The following COBL variants were observed in gnomAD, a reference collection of about 807,000 sequenced individuals.
The protein encoded by COBL is protein cordon-bleu.
COBL carries 51 observed loss-of-function variants against 98.8 expected under a neutral mutation model. That is an observed-to-expected ratio of 0.52 (90% CI 0.41 to 0.65). COBL has a LOEUF of 0.65. Ranked by LOEUF, COBL falls within the 30% of genes least tolerant of loss-of-function variation. COBL has a pLI of 0.00. For missense variants in COBL, 1,617 were observed against 1,617.5 expected (o/e 1.00, Z 0.01); for synonymous variants, 634 against 651.7 (o/e 0.97, Z 0.41).
At chr7:51,106,419 T>C (rs1796276074) in intron 6 of COBL, among the ~76,000 whole-genome samples, 1 of 152,144 alleles carries the variant, frequency 6.6e-6, no homozygotes, top group African/African-American at 2.4e-5. Context: ...GCTGGTGTCA[T>C]CCTGGCAGAT....
intron 6 of COBL, among the ~76,000 whole-genome samples, chr7:51,094,870 G>GTAC (rs527398557): frequency 3.3e-5 from 5 of 152,210 alleles, no homozygotes; most frequent in Non-Finnish European, 7.3e-5. Context: ...AAAATATGAT[G>GTAC]TGTATAGGGT....
In COBL at chr7:51,025,175, G is replaced by A. The variant is rs76685455; in HGVS notation, c.3702C>T (p.Thr1234=). The A allele has an allele frequency of 7.8e-4, 1,257 of 1,611,708 alleles. 7 individuals are homozygous for A. In the African/African-American group the frequency reaches 0.014, roughly 19 times the overall value. The change falls in exon 12 of 13, where the codon ACC becomes ACT. Residue 1234 remains threonine (T), a synonymous_variant. Transcript: ENST00000265136. Reference sequence around the variant, plus strand: ...CCATCAAGGCTTGCCTTGCGTCTGCGGTGTTGCTGAGGGTGCCCGTGCTGA... The same window carrying A: ...CCATCAAGGCTTGCCTTGCGTCTGCAGTGTTGCTGAGGGTGCCCGTGCTGA... The part of the protein sequence containing the change: ...SRFSTGTLSN[T]ADARQALMDA...
At chr7:51,112,019 TTGCATGGCACGGGGACCAC>T (rs1178950324) in intron 6 of COBL, among the ~76,000 whole-genome samples, 1 of 152,224 alleles carries the variant, frequency 6.6e-6, no homozygotes, top group East Asian at 1.9e-4. Flanking sequence ...TCCAGTTCAC[TTGCATGGCACGGGGACCAC>T]TAAGAACAAG....
chr7:51,207,980 G>T (rs1791938957), intron 2 of COBL, among the ~76,000 whole-genome samples: 1 of 145,490 alleles, frequency 6.9e-6, no homozygotes, highest in Admixed American at 6.8e-5. Context: ...CATCTAGGAA[G>T]TGAGGAGAGC....
intron 12 of COBL, among the ~76,000 whole-genome samples, chr7:51,024,636 A>G (rs1041675473): frequency 8.0e-5 from 12 of 150,580 alleles, no homozygotes; most frequent in African/African-American, 3.0e-4. Flanking sequence ...ATTAGGCTGG[A>G]ATGCAAGCAT....
intron 7 of COBL, among the ~76,000 whole-genome samples, chr7:51,049,335 T>A (rs1219371717): frequency 1.3e-5 from 2 of 152,170 alleles, no homozygotes; most frequent in Non-Finnish European, 2.9e-5. Flanking sequence ...GGTATGTCTG[T>A]CTTTTATGAA....
chr7:51,060,040 A>G (rs1051137378), intron 7 of COBL, among the ~76,000 whole-genome samples: 4 of 152,056 alleles, frequency 2.6e-5, no homozygotes, highest in Non-Finnish European at 5.9e-5. Context: ...GCTCTGCCGG[A>G]TGCCTCCATG....
At chr7:51,094,382 C>T (rs1795091206) in intron 6 of COBL, among the ~76,000 whole-genome samples, 2 of 151,798 alleles carry the variant, frequency 1.3e-5, no homozygotes, top group Non-Finnish European at 2.9e-5. Context: ...TTAATAATCT[C>T]ACCACAAAAA....
At chr7:51,303,881 T>G (rs1802226041) in intron 1 of COBL, among the ~76,000 whole-genome samples, 1 of 152,216 alleles carries the variant, frequency 6.6e-6, no homozygotes, top group Non-Finnish European at 1.5e-5. Context: ...CTCTGAGTGG[T>G]CTGCAGAGCC....
intron 1 of COBL, among the ~76,000 whole-genome samples, chr7:51,225,305 T>C (rs1170469556): frequency 6.6e-6 from 1 of 152,178 alleles, no homozygotes; most frequent in African/African-American, 2.4e-5. Flanking sequence ...GCAGATGTCA[T>C]GTGGTTGAGT....
chr7:51,058,968 T>A (rs906674006), intron 7 of COBL, among the ~76,000 whole-genome samples: 1 of 152,232 alleles, frequency 6.6e-6, no homozygotes, highest in Non-Finnish European at 1.5e-5. Context: ...TGCGCTCATG[T>A]CCTCCCATGT....
At chr7:51,037,403 A>C (rs915779514) in intron 8 of COBL, among the ~76,000 whole-genome samples, 2 of 152,260 alleles carry the variant, frequency 1.3e-5, no homozygotes, top group Admixed American at 6.5e-5. Context: ...AGCCATGGGC[A>C]GTTCCTTCCC....
chr7:51,160,971 G>C (rs909952510), intron 5 of COBL, among the ~76,000 whole-genome samples: 1 of 151,534 alleles, frequency 6.6e-6, no homozygotes, highest in Admixed American at 6.6e-5. Flanking sequence ...TGGCGCAATC[G>C]AGGCTCACTG....
chr7:51,299,661 G>A (rs1801736370), intron 1 of COBL, among the ~76,000 whole-genome samples: 1 of 152,198 alleles, frequency 6.6e-6, no homozygotes, highest in Non-Finnish European at 1.5e-5. Flanking sequence ...AGAGGCCGCT[G>A]CCAGGCTTCA....
At chr7:51,045,194 T>C (rs1414115619) in intron 7 of COBL, among the ~76,000 whole-genome samples, 1 of 152,172 alleles carries the variant, frequency 6.6e-6, no homozygotes, top group Admixed American at 6.5e-5. Flanking sequence ...ACCAGCACGT[T>C]TTTTCTGTCT....
intron 1 of COBL, among the ~76,000 whole-genome samples, chr7:51,233,741 T>C (rs577523082): frequency 1.3e-5 from 2 of 152,154 alleles, no homozygotes; most frequent in Non-Finnish European, 2.9e-5. Context: ...CGGACTCACA[T>C]GACACCACAG....
chr7:51,170,789 T>A (rs989641477), intron 5 of COBL, among the ~76,000 whole-genome samples: 7 of 151,954 alleles, frequency 4.6e-5, no homozygotes, highest in African/African-American at 1.7e-4. Flanking sequence ...GAGAGATTGG[T>A]CAACAGGTAC....
At chr7:51,068,110 G>A (rs886070341) in intron 7 of COBL, among the ~76,000 whole-genome samples, 4 of 152,162 alleles carry the variant, frequency 2.6e-5, no homozygotes, top group South Asian at 2.1e-4. Flanking sequence ...CGGCAGAGGC[G>A]GTGGGCTGAC....
At chr7:51,291,480 G>A (rs1800886635) in intron 1 of COBL, among the ~76,000 whole-genome samples, 1 of 152,182 alleles carries the variant, frequency 6.6e-6, no homozygotes, top group Non-Finnish European at 1.5e-5. Context: ...GCTTTATCAA[G>A]CCAGGCATGG....
Sources: allele counts gnomAD v4.1 joint callset (sites outside exome capture counted in the v4.1 genomes callset), GRCh38; gene constraint gnomAD v4.1.1; transcripts MANE v1.5; gene names NCBI Gene and HGNC (gene_info 2026-07-23, HGNC 2026-07-21).